The following PLEKHG1 variants were observed in gnomAD, a reference collection of about 807,000 sequenced individuals.
PLEKHG1 encodes the protein pleckstrin homology domain-containing family G member 1.
PLEKHG1 carries 44 observed loss-of-function variants against 100.8 expected under a neutral mutation model. The observed-to-expected ratio is 0.44, with a 90% confidence interval of 0.34 to 0.56. The LOEUF (loss-of-function observed/expected upper bound fraction) is 0.56. PLEKHG1 is among the 20% of genes least tolerant of loss of function. The pLI is 0.01. For synonymous variants in PLEKHG1, 640 were observed against 662.5 expected (o/e 0.97, Z 0.52); for missense variants, 1,545 against 1,720.9 (o/e 0.90, Z 1.81).
In PLEKHG1 at chr6:150,603,085, AAAAAAAAAT is replaced by A. The variant is rs1447169121; in HGVS notation, c.-204+3077_-204+3085del. Among the ~76,000 whole-genome samples, 178 of 149,086 alleles carry A rather than the reference AAAAAAAAAT, an allele frequency of 1.2e-3. 6 individuals carry two copies. The South Asian group carries it at 0.029, about 24-fold the overall frequency. On this transcript the variant is annotated intron_variant, in intron 1 of 3. Coordinates refer to the PLEKHG1 transcript ENST00000367326. ...CGACAGCGAGACTCCGTCTCAAAAA[AAAAAAAAAT>A]AAAAAAAAAGAAAAGAAAAAATTAT...
chr6:150,633,063 G>A (rs1025317228), intron 1 of PLEKHG1: 10 of 152,310 alleles, frequency 6.6e-5, no homozygotes, highest in Admixed American at 2.6e-4. Context: ...CACACTTTAC[G>A]TCTGGGAGCA....
chr6:150,790,056 T>C (rs894169604), intron 4 of PLEKHG1, among the ~76,000 whole-genome samples: 7 of 152,196 alleles, frequency 4.6e-5, no homozygotes, highest in African/African-American at 1.7e-4. Flanking sequence ...GTTTCGCTCT[T>C]GTCACCCAGG....
Position 150,831,727 on chromosome 6 carries a change from G to T in PLEKHG1, c.2616G>T (p.Leu872=), listed in dbSNP as rs1228713702. The change falls in exon 15 of 16, where the codon CTG becomes CTT. Residue 872 remains leucine (L), a synonymous_variant. Transcript: ENST00000358517. This position sits in a 1 kb window ranked among gnomAD's most constrained non-coding sequence, Gnocchi z 4.1. ...GCAAGGATGATGTGCCAGACAGGCT[G>T]CACGCAGAGAGCACCCCTGAGCTGA... The T allele has an allele frequency of 6.8e-6, 11 of 1,613,364 alleles. No individual in the cohort carries two copies. The highest frequency in any genetic ancestry group is 1.6e-4 in the Middle Eastern group (1 of 6,062).
chr6:150,705,228 C>A (rs1175818751), intron 3 of PLEKHG1, among the ~76,000 whole-genome samples: 2 of 152,200 alleles, frequency 1.3e-5, no homozygotes, highest in African/African-American at 2.4e-5. Flanking sequence ...AGATTAAAAT[C>A]TCTAAGTGTC....
intron 7 of PLEKHG1, among the ~76,000 whole-genome samples, chr6:150,806,963 T>G (rs1787153347): frequency 6.6e-6 from 1 of 151,978 alleles, no homozygotes. Flanking sequence ...GGGACATGAA[T>G]CACCCCTTTG....
At chr6:150,801,839 T>G (rs542265666) in intron 6 of PLEKHG1, among the ~76,000 whole-genome samples, 2 of 146,124 alleles carry the variant, frequency 1.4e-5, no homozygotes, top group African/African-American at 5.5e-5. Context: ...TTGCTTACTT[T>G]TGTAGCAGGA....
At chr6:150,777,857 A>T (rs567858208) in intron 3 of PLEKHG1, among the ~76,000 whole-genome samples, 112 of 152,396 alleles carry the variant, frequency 7.3e-4, no homozygotes, top group African/African-American at 2.6e-3. Flanking sequence ...AGTTACACTG[A>T]TTCAATGAGA....
intron 2 of PLEKHG1, among the ~76,000 whole-genome samples, chr6:150,763,780 A>G (rs1784307306): frequency 6.6e-6 from 1 of 152,214 alleles, no homozygotes; most frequent in Non-Finnish European, 1.5e-5. Flanking sequence ...ATGGGTCCCC[A>G]TGTACTCATT....
At chr6:150,794,190 G>C (rs975356487) in intron 4 of PLEKHG1, among the ~76,000 whole-genome samples, 2 of 152,166 alleles carry the variant, frequency 1.3e-5, no homozygotes, top group African/African-American at 4.8e-5. Flanking sequence ...AAAAATAGGG[G>C]AGAACTTAAA....
chr6:150,778,110 C>A (rs1010581067), intron 3 of PLEKHG1, among the ~76,000 whole-genome samples: 2 of 152,218 alleles, frequency 1.3e-5, no homozygotes, highest in African/African-American at 4.8e-5. Context: ...CCACCAAGCT[C>A]ATTCTATCCT....
chr6:150,788,109 T>C (rs965714020), intron 4 of PLEKHG1, among the ~76,000 whole-genome samples: 6 of 152,246 alleles, frequency 3.9e-5, no homozygotes, highest in African/African-American at 1.2e-4. Flanking sequence ...TCTCGCTTAA[T>C]TATTCACATA....
chr6:150,732,153 GA>G (rs1782299742), intron 1 of PLEKHG1, among the ~76,000 whole-genome samples: 1 of 151,990 alleles, frequency 6.6e-6, no homozygotes, highest in Non-Finnish European at 1.5e-5. Context: ...TTTTAGTAGA[GA>G]CGAGGTTTCA....
intron 10 of PLEKHG1, among the ~76,000 whole-genome samples, chr6:150,816,000 A>G (rs1264655057): frequency 4.6e-5 from 7 of 152,124 alleles, no homozygotes; most frequent in African/African-American, 1.2e-4. Context: ...TGTGCACTTT[A>G]TTTCTATTAC....
At position 150,833,429 on chromosome 6, in the gene PLEKHG1, A is replaced by G. The variant is rs535751301; in HGVS notation, c.3094+1224A>G. Among the ~76,000 whole-genome samples the G allele has an allele frequency of 3.9e-5, 6 of 152,336 alleles. No homozygotes were observed. The South Asian group carries it at 1.2e-3, about 32-fold the overall frequency. On this transcript the variant is annotated intron_variant, in intron 15 of 15. Coordinates refer to ENST00000358517, the Ensembl canonical transcript of PLEKHG1. ...TTTAGTATTTTCATATATGCTTCTG[A>G]GTTTAATGCTTTAGTTAGACTCCTT...
intron 3 of PLEKHG1, among the ~76,000 whole-genome samples, chr6:150,698,874 A>G (rs1004578270): frequency 2.0e-5 from 3 of 152,222 alleles, no homozygotes; most frequent in African/African-American, 7.2e-5. Context: ...GTTAAGCTCA[A>G]TCTCTGAAAA....
chr6:150,624,226 C>A (rs182200852), intron 1 of PLEKHG1, among the ~76,000 whole-genome samples: 98 of 152,278 alleles, frequency 6.4e-4, no homozygotes, highest in Admixed American at 1.5e-3. Context: ...GCCCTGTGCT[C>A]CAGGCAGTCT....
At chr6:150,679,272 TATA>T (rs1779859505) in intron 3 of PLEKHG1, among the ~76,000 whole-genome samples, 2 of 152,344 alleles carry the variant, frequency 1.3e-5, no homozygotes, top group South Asian at 4.1e-4. Flanking sequence ...GTTGTAATCA[TATA>T]ATAAATATTA....
At chr6:150,782,814 T>C (rs1384592375) in intron 3 of PLEKHG1, among the ~76,000 whole-genome samples, 1 of 152,128 alleles carries the variant, frequency 6.6e-6, no homozygotes, top group African/African-American at 2.4e-5. Flanking sequence ...CACCACACAA[T>C]AAACTCCATC....
chr6:150,609,628 C>T (rs754993240), intron 1 of PLEKHG1, among the ~76,000 whole-genome samples: 17 of 151,998 alleles, frequency 1.1e-4, no homozygotes, highest in Non-Finnish European at 2.5e-4. Flanking sequence ...TGCAAAGCTA[C>T]GGGAGGATTT....
Sources: allele counts gnomAD v4.1 joint callset (sites outside exome capture counted in the v4.1 genomes callset), GRCh38; gene constraint gnomAD v4.1.1; non-coding constraint Gnocchi (gnomAD v3.1); transcripts MANE v1.5; gene names NCBI Gene and HGNC (gene_info 2026-07-23, HGNC 2026-07-21).